The following MORC4 variants were observed in gnomAD, a reference collection of about 807,000 sequenced individuals.
MORC4 encodes the protein MORC family CW-type zinc finger protein 4.
In MORC4, 22 loss-of-function variants were observed where a neutral mutation model predicts 65.5. The ratio of observed to expected loss-of-function variants is 0.34; its 90% CI spans 0.24 to 0.48. The LOEUF is 0.48. Among genes scored for constraint, MORC4 ranks in the 20% least tolerant of loss-of-function variants. The probability of loss-of-function intolerance (pLI) is 0.99; values close to 1 mark genes in which losing one functional copy is unlikely to be tolerated. For synonymous variants in MORC4, 267 were observed against 255.8 expected, an observed-to-expected ratio of 1.04 and a Z score of -0.42; for missense variants, 624 against 703.0, an observed-to-expected ratio of 0.89 and a Z score of 1.27.
intron 9 of MORC4, among the ~76,000 whole-genome samples, chrX:106,968,846 C>T (rs936740138): frequency 9.1e-6 from 1 of 110,149 alleles, no homozygotes; most frequent in Non-Finnish European, 1.9e-5. Context: ...TTTTTGGAGA[C>T]CTACAAAGAG....
At chrX:106,989,552 A>C (rs1934936833) in intron 3 of MORC4, among the ~76,000 whole-genome samples, 1 of 111,880 alleles carries the variant, frequency 8.9e-6, no homozygotes, top group South Asian at 3.7e-4. Context: ...ATTTTTTCCA[A>C]ATACAAAAGT....
rs1301552971 is a variant in MORC4 at position 106,942,607 on chromosome X, T to C, written c.2284A>G (p.Lys762Glu). 6.6e-6 allele frequency: 8 copies of C among 1,209,534 alleles called. No individual in the cohort carries two copies. Among genetic ancestry groups the C allele is most frequent in the Non-Finnish European group, 8.9e-6 (8 of 894,975 alleles). ...YEESEGHNTP[K>E]LKNQRELEEL... Reference sequence around the variant, plus strand: ...TCCAGCTCTCTCTGGTTCTTCAACTTTGGTGTATTATGACCTTCGCTCTCC... The same window carrying C: ...TCCAGCTCTCTCTGGTTCTTCAACTCTGGTGTATTATGACCTTCGCTCTCC... Residue 762 changes from lysine (K) to glutamate (E), a missense_variant, in exon 15 of 17, where the codon AAG becomes GAG. By Grantham distance (56) the Lys-to-Glu change is moderately conservative. Transcript: ENST00000355610.
At chrX:106,998,113 T>C (rs1201583526) in intron 2 of MORC4, among the ~76,000 whole-genome samples, 1 of 112,385 alleles carries the variant, frequency 8.9e-6, no homozygotes, top group Non-Finnish European at 1.9e-5. Context: ...AATGATTCAC[T>C]AGAAAATTAA....
At chrX:106,984,953 G>A (rs1934837338) in intron 5 of MORC4, 143 bp downstream of exon 5, 3 of 441,646 alleles carry the variant, frequency 6.8e-6, no homozygotes, top group African/African-American at 5.0e-5. Context: ...AATATCACTT[G>A]AAGCCAGGTG....
At chrX:106,946,872 G>T (rs1307905088) in intron 14 of MORC4, among the ~76,000 whole-genome samples, 3 of 111,080 alleles carry the variant, frequency 2.7e-5, no homozygotes, top group Non-Finnish European at 3.8e-5. Context: ...GAACTGCTGG[G>T]CTCAAATGAT....
chrX:106,982,549 G>A (rs982487679), intron 5 of MORC4, among the ~76,000 whole-genome samples: 8 of 111,657 alleles, frequency 7.2e-5, no homozygotes, highest in Non-Finnish European at 1.5e-4. Context: ...GCCCTGAGGA[G>A]ATTCTCTATC....
chrX:106,993,782 A>G (rs1235240857), intron 2 of MORC4, among the ~76,000 whole-genome samples: 1 of 112,486 alleles, frequency 8.9e-6, no homozygotes, highest in East Asian at 2.8e-4. Context: ...TTGGTAAAAG[A>G]TGATGCATAT....
Position 106,941,646 on chromosome X carries a change from T to TGAG in MORC4, c.2661-17_2661-15dup, listed in dbSNP as rs1323605748. 6 of 1,201,407 alleles carry TGAG rather than the reference T, an allele frequency of 5.0e-6. No homozygotes were observed. Among genetic ancestry groups the TGAG allele is most frequent in the Non-Finnish European group, 6.7e-6 (6 of 890,588 alleles). On this transcript the variant is annotated splice_polypyrimidine_tract_variant and intron_variant, in intron 16 of 16. Transcript: ENST00000355610. ...TTTGCCAAAGCCCTGTATGAAGGAG[T>TGAG]GAGGGGGCAGGAGAAGAGATGACAT...
chrX:106,968,642 CAAAAAAAAA>C (rs1194053588), intron 9 of MORC4, among the ~76,000 whole-genome samples: 3 of 17,986 alleles, frequency 1.7e-4, no homozygotes, highest in African/African-American at 6.3e-4. Flanking sequence ...AAATGGAAAG[CAAAAAAAAA>C]AAAAAAAAAA....
chrX:106,979,503 A>G (rs1362135774), intron 7 of MORC4, among the ~76,000 whole-genome samples: 1 of 111,233 alleles, frequency 9.0e-6, no homozygotes, highest in Admixed American at 9.6e-5. Flanking sequence ...GAGAGAGAAC[A>G]AAGATGAAAG....
At chrX:106,966,541 C>T (rs1454651492) in intron 9 of MORC4, among the ~76,000 whole-genome samples, 2 of 112,541 alleles carry the variant, frequency 1.8e-5, no homozygotes, top group African/African-American at 6.4e-5. Context: ...CAAGGGAAGC[C>T]GTGAGTGACT....
chrX:106,986,558 G>A (rs780938073), intron 3 of MORC4, among the ~76,000 whole-genome samples: 1 of 111,799 alleles, frequency 8.9e-6, no homozygotes, highest in East Asian at 2.8e-4. Context: ...TCTGATTGCT[G>A]TAGAAGTAAA....
chrX:106,956,375 T>C, intron 13 of MORC4, 105 bp downstream of exon 13: 3 of 720,850 alleles, frequency 4.2e-6, no homozygotes, highest in Non-Finnish European at 6.5e-6. Flanking sequence ...GAAGAAATGG[T>C]TTGTTATTTC....
chrX:106,944,496 C>T (rs927339722), intron 14 of MORC4, among the ~76,000 whole-genome samples: 2 of 111,541 alleles, frequency 1.8e-5, no homozygotes, highest in Non-Finnish European at 1.9e-5. Context: ...GCCTTCTCTT[C>T]GTTTTCCCAC....
intron 2 of MORC4, among the ~76,000 whole-genome samples, chrX:106,996,182 C>CTTT (rs565884580): frequency 0.014 from 1,186 of 85,216 alleles, 31 homozygotes; most frequent in African/African-American, 0.048. Context: ...TTACTAGGTA[C>CTTT]TTTTTTTTTT....
rs375430046 is a variant in MORC4, at chrX:106,981,024, G to C, written c.808-5C>G. On this transcript the variant is annotated splice_region_variant and splice_polypyrimidine_tract_variant and intron_variant, in intron 6 of 16. Coordinates refer to ENST00000355610, the MANE Select transcript of MORC4 (RefSeq NM_024657.5). ...GTATAGAATACCACAAAATGCCTAC[G>C]GAACAGAATGGTGAAGGGAAAGTTA... The C allele has an allele frequency of 8.3e-7, 1 of 1,206,987 alleles. No homozygotes were observed. Among genetic ancestry groups the C allele is most frequent in the South Asian group, 1.8e-5 (1 of 56,175 alleles).
chrX:106,971,722 C>T (rs1204761539), intron 9 of MORC4, among the ~76,000 whole-genome samples: 1 of 112,339 alleles, frequency 8.9e-6, no homozygotes. Context: ...AAAAAATGCT[C>T]ATCATCACTG....
rs1934167922 is a variant in MORC4, at chrX:106,958,787, T to C, written c.1257-323A>G. Among the ~76,000 whole-genome samples the C allele has an allele frequency of 2.7e-5, 3 of 111,891 alleles. No individual in the cohort carries two copies. In the Admixed American group the frequency reaches 2.8e-4, roughly 11 times the overall value. ...AACATTTTTTAAATAATACTTATCC[T>C]GGTGGCTCTTGTTCCAAGCAAACAA... On this transcript the variant is annotated intron_variant, in intron 10 of 16. Transcript: ENST00000355610.
At chrX:106,998,195 C>T (rs1368023763) in intron 2 of MORC4, among the ~76,000 whole-genome samples, 1 of 112,238 alleles carries the variant, frequency 8.9e-6, no homozygotes, top group Non-Finnish European at 1.9e-5. Context: ...ACACTTTGCT[C>T]TCTCTTTTCC....
Sources: gnomAD v4.1 joint callset for allele counts (sites outside exome capture counted in the v4.1 genomes callset) on GRCh38, gnomAD v4.1.1 for gene constraint, MANE v1.5 for transcripts, NCBI Gene and HGNC (gene_info 2026-07-23, HGNC 2026-07-21) for gene names.